UPF3B: variants seen among roughly 807,000 people sequenced by gnomAD.
The protein encoded by UPF3B is regulator of nonsense transcripts 3B.
UPF3B carries 7 observed loss-of-function variants against 40.3 expected under a neutral mutation model. The ratio of observed to expected loss-of-function variants is 0.17; its 90% confidence interval spans 0.10 to 0.33. UPF3B has a LOEUF of 0.33. Ranked by LOEUF, UPF3B falls within the 10% of genes least tolerant of loss-of-function variation. UPF3B has a pLI of 1.00. For missense variants in UPF3B, 229 were observed against 358.9 expected (o/e 0.64, Z 2.93); for synonymous variants, 117 against 117.3 (o/e 1.00, Z 0.01).
intron 5 of UPF3B, among the ~76,000 whole-genome samples, chrX:119,842,605 T>TACACAC (rs543555558): frequency 0.08 from 7,295 of 91,009 alleles, 257 homozygotes; most frequent in East Asian, 0.16. Context: ...CACACACACA[T>TACACAC]ACACACACAC....
At chrX:119,807,596 A>T in intron 5 of UPF3B, 1 of 769,565 alleles carries the variant, frequency 1.3e-6, no homozygotes, top group Non-Finnish European at 1.6e-6. Context: ...AGTATAATGA[A>T]ATATGTTACT....
At chrX:119,807,045 A>AG (rs2055797971) in intron 6 of UPF3B, among the ~76,000 whole-genome samples, 2 of 97,166 alleles carry the variant, frequency 2.1e-5, no homozygotes, top group African/African-American at 8.9e-5. Context: ...AAAAAAAAAA[A>AG]AAAAAAGAAA....
In UPF3B at chrX:119,843,291, A is replaced by G. The variant is rs777871461; in HGVS notation, c.480T>C (p.Tyr160=). ...KVGTIDDDPE[Y]RKFLESYATD... Reference sequence around the variant, plus strand: ...TGGCATAACTTTCCAAAAACTTTCTATATTCTGGATCTAAATAATCATTTG... The same window carrying G: ...TGGCATAACTTTCCAAAAACTTTCTGTATTCTGGATCTAAATAATCATTTG... The change falls in exon 5 of 11, where the codon TAT becomes TAC. Residue 160 remains tyrosine (Y), a synonymous_variant. Coordinates refer to ENST00000276201, the MANE Select transcript of UPF3B (RefSeq NM_080632.3). The G allele has an allele frequency of 3.5e-6, 4 of 1,158,825 alleles. No individual in the cohort carries two copies. The highest frequency in any genetic ancestry group is 4.4e-5 in the Admixed American group (2 of 45,941).
At chrX:119,827,004 TA>T (rs1437563749) in intron 3 of UPF3B, among the ~76,000 whole-genome samples, 1 of 112,123 alleles carries the variant, frequency 8.9e-6, no homozygotes, top group East Asian at 2.8e-4. Context: ...GAAAGTTAGC[TA>T]ACTCTTTAGC....
At chrX:119,820,626 A>ATTTTTTTTTTTTTTTTTTTT (rs370271993) in intron 4 of UPF3B, among the ~76,000 whole-genome samples, 6 of 90,163 alleles carry the variant, frequency 6.7e-5, no homozygotes, top group African/African-American at 2.6e-4. Context: ...AGCCTGGCCA[A>ATTTTTTTTTTTTTTTTTTTT]TTTTTTTTTT....
At chrX:119,841,614 A>C in intron 6 of UPF3B, 121 bp downstream of exon 6, 1 of 734,139 alleles carries the variant, frequency 1.4e-6, no homozygotes, top group Non-Finnish European at 2.1e-6. Flanking sequence ...CAAATCCTTA[A>C]AGAGTAATGG....
chrX:119,823,721 G>A lies in UPF3B; in HGVS notation c.393-678C>T, dbSNP rs2055949661. ...TGGGACTACAGGCATGCGCCACCAT[G>A]CCCGGCTAATTTTTGTATTTTTAGT... On this transcript the variant is annotated intron_variant, in intron 3 of 6. Transcript: ENST00000636792. 2.7e-5 allele frequency among the ~76,000 whole-genome samples: 3 copies of A among 109,359 alleles called. No homozygotes were observed. The Admixed American group carries it at 3.0e-4, about 11-fold the overall frequency. The allele number at this position is 109,359 out of a possible 115,157, so 95.0% of individuals were successfully genotyped here. A position where few individuals can be genotyped will look rare whatever the true frequency, so the allele number is the denominator to read the frequency against.
chrX:119,828,614 G>A (rs2056005043), intron 3 of UPF3B, among the ~76,000 whole-genome samples: 1 of 108,805 alleles, frequency 9.2e-6, no homozygotes, highest in Admixed American at 9.8e-5. Context: ...CAAGGCTGCA[G>A]TGAGCCGCGA....
chrX:119,814,543 A>C lies in UPF3B; in HGVS notation c.602+657T>G, dbSNP rs182405743. ...CAGTTATCATCAACAATTCAGTAGAAATAGATCAGAACAAGACTTCAAAGC... is the reference window on the plus strand; with the variant it reads ...CAGTTATCATCAACAATTCAGTAGACATAGATCAGAACAAGACTTCAAAGC... On this transcript the variant is annotated intron_variant, in intron 5 of 6. Coordinates refer to the UPF3B transcript ENST00000636792. Among the ~76,000 whole-genome samples, 126 of 112,078 alleles carry C rather than the reference A, an allele frequency of 1.1e-3. 1 individual carries two copies. Among genetic ancestry groups the C allele is most frequent in the African/African-American group, 3.4e-3 (106 of 30,964 alleles).
rs188337367 is a variant in UPF3B, at chrX:119,825,300, C to T, written c.393-2257G>A. 1.5e-3 allele frequency among the ~76,000 whole-genome samples: 168 copies of T among 111,043 alleles called. 1 individual carries two copies. Among genetic ancestry groups the T allele is most frequent in the Admixed American group, 3.5e-3 (36 of 10,322 alleles). On this transcript the variant is annotated intron_variant, in intron 3 of 6. Transcript: ENST00000636792. The stretch of plus-strand genomic sequence containing the variant: ...GAAAAACTGCCTTGTATAAAACCAT[C>T]AGATCTTGTGAGACTTACTATCACA...
chrX:119,841,846 T>C (rs1747565566), intron 5 of UPF3B, 68 bp from the exon 6 acceptor site: 2 of 961,663 alleles, frequency 2.1e-6, no homozygotes, highest in Admixed American at 2.3e-5. Context: ...TTTTCTGACA[T>C]TCCCTGCCAA....
In UPF3B at chrX:119,841,006, G is replaced by A. The variant is rs557958764; in HGVS notation, c.807+70C>T. 86 of 1,087,912 alleles carry A rather than the reference G, an allele frequency of 7.9e-5. 1 individual carries two copies. The highest frequency in any genetic ancestry group is 7.9e-4 in the African/African-American group (43 of 54,583). 89.7% of individuals were successfully genotyped at this position (1,087,912 alleles called of 1,213,427 possible). The stretch of plus-strand genomic sequence containing the variant: ...AAATTCATTTACACCAACACAAGAC[G>A]CATGCATATTTAAAGAAGTAGATAC... On this transcript the variant is annotated intron_variant, in intron 7 of 10. Coordinates refer to ENST00000276201, the MANE Select transcript of UPF3B (RefSeq NM_080632.3).
chrX:119,832,905 G>A (rs757021363), downstream of UPF3B, among the ~76,000 whole-genome samples: 78 of 111,529 alleles, frequency 7.0e-4, no homozygotes, highest in Non-Finnish European at 1.2e-3. Flanking sequence ...TACTGTCTCC[G>A]GACTACCTAA....
chrX:119,818,223 C>T (rs1272198718), intron 4 of UPF3B, among the ~76,000 whole-genome samples: 5 of 110,941 alleles, frequency 4.5e-5, no homozygotes, highest in Non-Finnish European at 9.4e-5. Context: ...TGAGATCATG[C>T]CACTGCACTC....
At chrX:119,815,359 C>T (rs1473799160) in intron 4 of UPF3B, 6 of 615,119 alleles carry the variant, frequency 9.8e-6, no homozygotes, top group South Asian at 8.4e-5. Context: ...TAAGCTTTTA[C>T]GTGGGATTTT....
intron 10 of UPF3B, among the ~76,000 whole-genome samples, chrX:119,836,388 A>G (rs1251446755): frequency 9.0e-6 from 1 of 111,649 alleles, no homozygotes; most frequent in Non-Finnish European, 1.9e-5. Flanking sequence ...TTAAAAAGAC[A>G]TTAATGAAGC....
At chrX:119,842,200 T>A (rs6646491) in intron 5 of UPF3B, among the ~76,000 whole-genome samples, 53,180 of 110,280 alleles carry the variant, frequency 0.48, 9,424 homozygotes, top group East Asian at 0.78. Context: ...AGGCTTGTAC[T>A]ATCCATCTAT....
intron 5 of UPF3B, among the ~76,000 whole-genome samples, chrX:119,813,037 G>C (rs1338055785): frequency 9.0e-6 from 1 of 111,076 alleles, no homozygotes; most frequent in African/African-American, 3.3e-5. Flanking sequence ...GTCATTATTG[G>C]TGGCTCTTGT....
At chrX:119,851,049 C>G (rs1223003063) in intron 3 of UPF3B, among the ~76,000 whole-genome samples, 1 of 112,575 alleles carries the variant, frequency 8.9e-6, no homozygotes, top group African/African-American at 3.2e-5. Flanking sequence ...CGAGATGTAT[C>G]AAGTTTCATG....
Sources: gnomAD v4.1 joint callset for allele counts (sites outside exome capture counted in the v4.1 genomes callset) on GRCh38, gnomAD v4.1.1 for gene constraint, MANE v1.5 for transcripts, NCBI Gene and HGNC (gene_info 2026-07-23, HGNC 2026-07-21) for gene names.